The following FBXO25 variants were observed in gnomAD, a reference collection of about 807,000 sequenced individuals.
The protein encoded by FBXO25 is F-box only protein 25.
Under a neutral mutation model 51.9 loss-of-function variants are expected in FBXO25, and 45 were observed. The ratio of observed to expected loss-of-function variants is 0.87; its 90% CI spans 0.68 to 1.11. FBXO25 has a LOEUF of 1.11. Ranked by LOEUF, FBXO25 falls within the 50% of genes most tolerant of loss-of-function variation. The pLI, the probability that FBXO25 is intolerant of heterozygous loss-of-function variation, is 0.00. For missense variants in FBXO25, 507 were observed against 428.5 expected (o/e 1.18, Z -1.62); for synonymous variants, 199 against 151.0 (o/e 1.32, Z -2.33).
chr8:439,501 C>T (rs1233612882), intron 5 of FBXO25, among the ~76,000 whole-genome samples: 1 of 152,216 alleles, frequency 6.6e-6, no homozygotes, highest in Non-Finnish European at 1.5e-5. Flanking sequence ...CATTCTCTGC[C>T]TGTGGTGGAC....
intron 9 of FBXO25, among the ~76,000 whole-genome samples, chr8:465,436 G>A (rs1800093669): frequency 6.6e-6 from 1 of 152,144 alleles, no homozygotes; most frequent in Non-Finnish European, 1.5e-5. Flanking sequence ...ATTCATAGAA[G>A]GGATAGAAGG....
intron 6 of FBXO25, chr8:450,916 A>G (rs13340594): frequency 0.26 from 53,524 of 205,278 alleles, 8,512 homozygotes; most frequent in African/African-American, 0.47. Flanking sequence ...CTGAGTCCCC[A>G]TTCCTCCTCC....
intron 2 of FBXO25, among the ~76,000 whole-genome samples, chr8:415,031 G>C (rs1018589083): frequency 6.6e-6 from 1 of 152,108 alleles, no homozygotes; most frequent in African/African-American, 2.4e-5. Flanking sequence ...ATTTAACTTT[G>C]AACCTAAAAT....
intron 5 of FBXO25, among the ~76,000 whole-genome samples, chr8:439,821 A>C (rs368915911): frequency 1.4e-4 from 22 of 152,300 alleles, no homozygotes; most frequent in African/African-American, 5.3e-4. Flanking sequence ...CAATCCCAGC[A>C]CTTTGGGAGG....
intron 2 of FBXO25, among the ~76,000 whole-genome samples, chr8:418,298 C>T (rs1207912905): frequency 1.3e-5 from 2 of 150,808 alleles, no homozygotes; most frequent in African/African-American, 4.9e-5. Context: ...TTTTCCTTTC[C>T]CTTTCCTTTC....
chr8:433,506 A>G (rs1438670063), intron 4 of FBXO25, among the ~76,000 whole-genome samples: 1 of 152,078 alleles, frequency 6.6e-6, no homozygotes, highest in Admixed American at 6.6e-5. Context: ...TGAAATTAGT[A>G]ATTGGGTTGG....
intron 7 of FBXO25, among the ~76,000 whole-genome samples, chr8:455,723 T>C (rs920429455): frequency 6.6e-6 from 1 of 152,248 alleles, no homozygotes; most frequent in Non-Finnish European, 1.5e-5. Flanking sequence ...GCATCGTTTC[T>C]TCCTTCCAGT....
chr8:449,545 G>A (rs1246526258), intron 5 of FBXO25, among the ~76,000 whole-genome samples: 1 of 152,194 alleles, frequency 6.6e-6, no homozygotes, highest in Admixed American at 6.5e-5. Context: ...CTACATGGAA[G>A]GGCTGTTTGA....
At chr8:422,132 AAT>A (rs1797191955) in intron 2 of FBXO25, among the ~76,000 whole-genome samples, 1 of 152,204 alleles carries the variant, frequency 6.6e-6, no homozygotes, top group Non-Finnish European at 1.5e-5. Flanking sequence ...AATTAGGAGA[AAT>A]AGAATATCTG....
chr8:455,769 A>G (rs1304648401), intron 7 of FBXO25, among the ~76,000 whole-genome samples: 2 of 152,170 alleles, frequency 1.3e-5, no homozygotes, highest in Non-Finnish European at 2.9e-5. Flanking sequence ...GATGGCAGAG[A>G]GCATGTAGCT....
intron 8 of FBXO25, among the ~76,000 whole-genome samples, chr8:460,994 C>T (rs1414771863): frequency 6.6e-6 from 1 of 152,158 alleles, no homozygotes; most frequent in African/African-American, 2.4e-5. Flanking sequence ...CAGCAACAGC[C>T]ATAAAGACTA....
intron 8 of FBXO25, among the ~76,000 whole-genome samples, chr8:460,577 GC>G (rs1799745259): frequency 1.3e-5 from 2 of 152,208 alleles, no homozygotes; most frequent in Admixed American, 1.3e-4. Context: ...GGAAAAGTCA[GC>G]TAAATGCTCT....
At chr8:467,843 T>A in intron 9 of FBXO25, 1 of 1,596,306 alleles carries the variant, frequency 6.3e-7, no homozygotes, top group Non-Finnish European at 8.6e-7. Context: ...CCCGGCTCGA[T>A]TCCAGCTCTC....
At chr8:415,822 C>G (rs966880578) in intron 2 of FBXO25, among the ~76,000 whole-genome samples, 12 of 152,284 alleles carry the variant, frequency 7.9e-5, no homozygotes, top group Middle Eastern at 3.4e-3. Context: ...AGGAAAGATA[C>G]TGAAGAAGAG....
At chr8:462,962 G>T (rs759990840) in intron 8 of FBXO25, 45 bp from the exon 9 acceptor site, 1 of 1,569,518 alleles carries the variant, frequency 6.4e-7, no homozygotes. Context: ...ATTATGTTTT[G>T]AAAGTCATCT....
At chr8:442,442 A>C (rs1798485167) in intron 5 of FBXO25, among the ~76,000 whole-genome samples, 1 of 152,102 alleles carries the variant, frequency 6.6e-6, no homozygotes, top group African/African-American at 2.4e-5. Context: ...AGTTAGAAAG[A>C]AGCAGAGGAA....
At chr8:409,091 T>A (rs1796337376) in intron 1 of FBXO25, among the ~76,000 whole-genome samples, 1 of 152,200 alleles carries the variant, frequency 6.6e-6, no homozygotes, top group African/African-American at 2.4e-5. Flanking sequence ...GTTTTCTGAT[T>A]TGCAAACTCA....
intron 9 of FBXO25, among the ~76,000 whole-genome samples, chr8:467,313 T>A (rs1030525723): frequency 6.6e-6 from 1 of 152,194 alleles, no homozygotes; most frequent in Admixed American, 6.5e-5. Flanking sequence ...AGCCTTCGGA[T>A]GTTAAATGAA....
At chr8:463,204 A>T (rs1204146058) in intron 9 of FBXO25, 54 bp downstream of exon 9, 1 of 1,565,766 alleles carries the variant, frequency 6.4e-7, no homozygotes. Flanking sequence ...GGTGAAACAA[A>T]CTAATCACCT....
Sources: allele counts gnomAD v4.1 joint callset (sites outside exome capture counted in the v4.1 genomes callset), GRCh38; gene constraint gnomAD v4.1.1; transcripts MANE v1.5; gene names NCBI Gene and HGNC (gene_info 2026-07-23, HGNC 2026-07-21).